CHL1: variants seen among roughly 807,000 people sequenced by gnomAD.
The protein encoded by CHL1 is neural cell adhesion molecule L1-like protein.
Under a neutral mutation model 141.9 loss-of-function variants are expected in CHL1, and 96 were observed. That is an observed-to-expected ratio of 0.68 (90% CI 0.57 to 0.80). The LOEUF is 0.80. Among genes scored for constraint, CHL1 ranks in the 30% least tolerant of loss-of-function variants. The pLI is 0.00. For synonymous variants in CHL1, 613 were observed against 502.2 expected (o/e 1.22, Z -2.95); for missense variants, 1,820 against 1,457.2 (o/e 1.25, Z -4.05).
At chr3:227,083 A>G (rs1028690784) in intron 1 of CHL1, among the ~76,000 whole-genome samples, 5 of 152,208 alleles carry the variant, frequency 3.3e-5, no homozygotes, top group Admixed American at 2.6e-4. Flanking sequence ...GTTGATTTCA[A>G]CAGGTTTAAG....
chr3:198,163 G>C (rs1698552419), intron 1 of CHL1: 2 of 189,830 alleles, frequency 1.1e-5, no homozygotes, highest in Non-Finnish European at 2.2e-5. Context: ...CGGGAAGGCG[G>C]GCGGGGAAGG....
chr3:388,628 G>A (rs548932285), intron 19 of CHL1, among the ~76,000 whole-genome samples: 6 of 152,158 alleles, frequency 3.9e-5, no homozygotes, highest in South Asian at 2.1e-4. Context: ...AGTGGGTAAG[G>A]GTGACATTTT....
chr3:300,602 C>A (rs1489555933), intron 2 of CHL1, among the ~76,000 whole-genome samples: 1 of 152,136 alleles, frequency 6.6e-6, no homozygotes, highest in Non-Finnish European at 1.5e-5. Flanking sequence ...CTGTGCAAGG[C>A]AATACCTTTG....
chr3:233,217 C>T (rs760015254), intron 1 of CHL1, among the ~76,000 whole-genome samples: 2 of 152,124 alleles, frequency 1.3e-5, no homozygotes, highest in Non-Finnish European at 2.9e-5. Context: ...ACATTCTGTG[C>T]GATCCAACTT....
rs1280852326 is a variant in CHL1 at position 358,457 on chromosome 3, G to C, written c.1166-1827G>C. 2.0e-5 allele frequency among the ~76,000 whole-genome samples: 3 copies of C among 152,104 alleles called. No homozygotes were observed. In the East Asian group the frequency reaches 5.8e-4, roughly 29 times the overall value. On this transcript the variant is annotated intron_variant, in intron 11 of 27. Transcript: ENST00000256509. ...TCCTTAATCTTAATCACATCTGCAA[G>C]TCCCTTTTTTCCATGTAAAGTAACA...
chr3:246,852 A>T (rs1693219915), intron 2 of CHL1: 1 of 152,100 alleles, frequency 6.6e-6, no homozygotes, highest in Non-Finnish European at 1.5e-5. Context: ...AAGCGATGTT[A>T]TCCATGCATC....
At chr3:197,626 A>C (rs1448879306) in intron 1 of CHL1, 1 of 327,950 alleles carries the variant, frequency 3.0e-6, no homozygotes, top group Non-Finnish European at 5.8e-6. Flanking sequence ...TCTAGATCCC[A>C]GCCCGGGGGG....
intron 2 of CHL1, chr3:248,003 C>G (rs1188995242): frequency 6.6e-6 from 1 of 151,912 alleles, no homozygotes; most frequent in Non-Finnish European, 1.5e-5. Context: ...ATGTCTTTAC[C>G]TTTTAAATAT....
At chr3:282,699 A>G (rs571438080) in intron 2 of CHL1, 1 of 152,300 alleles carries the variant, frequency 6.6e-6, no homozygotes, top group Admixed American at 6.5e-5. Context: ...AAAAATGTGA[A>G]TGGCTTCACA....
rs764773211 is a variant in CHL1, at chr3:394,685, T to A, written c.2915-8T>A. On this transcript the variant is annotated splice_region_variant and splice_polypyrimidine_tract_variant and intron_variant, in intron 23 of 27. Transcript: ENST00000256509. ...CATTTGAGCTGTTGTTCATGTTTAT[T>A]TTTTTAGTAAATGACACCTACGAGA... The A allele has an allele frequency of 6.3e-7, 1 of 1,594,352 alleles. No individual in the cohort carries two copies. The highest frequency in any genetic ancestry group is 8.6e-7 in the Non-Finnish European group (1 of 1,168,546).
chr3:404,806 TTC>T (rs1473551658), intron 27 of CHL1, among the ~76,000 whole-genome samples: 1 of 152,194 alleles, frequency 6.6e-6, no homozygotes, highest in Admixed American at 6.5e-5. Context: ...ATTGCATTTG[TTC>T]TCTGTCTGAG....
intron 1 of CHL1, among the ~76,000 whole-genome samples, chr3:206,785 A>G (rs146862531): frequency 1.5e-3 from 229 of 152,256 alleles, no homozygotes; most frequent in African/African-American, 5.4e-3. Context: ...TACAAATGAA[A>G]CTTCACTCTC....
intron 2 of CHL1, among the ~76,000 whole-genome samples, chr3:319,127 G>C (rs1004417052): frequency 6.6e-6 from 1 of 151,598 alleles, no homozygotes; most frequent in Non-Finnish European, 1.5e-5. Context: ...CGGACATAAA[G>C]ATAAGAATAA....
chr3:354,887 C>A, intron 11 of CHL1, 116 bp downstream of exon 11: 1 of 1,266,320 alleles, frequency 7.9e-7, no homozygotes, highest in Non-Finnish European at 1.1e-6. Context: ...AGGACAGATA[C>A]AACCAGCAAA....
At chr3:242,322 C>CCGG (rs1692662593) in intron 1 of CHL1, among the ~76,000 whole-genome samples, 2 of 136,626 alleles carry the variant, frequency 1.5e-5, no homozygotes, top group Non-Finnish European at 3.3e-5. Context: ...ACTGGCTGAG[C>CCGG]GCGGTGGCTC....
intron 2 of CHL1, among the ~76,000 whole-genome samples, chr3:304,310 G>A (rs928854982): frequency 6.6e-6 from 1 of 152,198 alleles, no homozygotes; most frequent in East Asian, 1.9e-4. Context: ...AGTTTCAGAA[G>A]GAATGGTACC....
At chr3:348,253 T>C (rs1380684159) in intron 9 of CHL1, among the ~76,000 whole-genome samples, 1 of 152,192 alleles carries the variant, frequency 6.6e-6, no homozygotes, top group Non-Finnish European at 1.5e-5. Context: ...AATTAATTTA[T>C]TGGAGCTTCA....
intron 3 of CHL1, among the ~76,000 whole-genome samples, chr3:323,232 T>C (rs77851964): frequency 0.019 from 2,937 of 152,166 alleles, 38 homozygotes; most frequent in Non-Finnish European, 0.031. Flanking sequence ...TATAAGGTCA[T>C]TGATTAAATG....
At chr3:374,308 C>T (rs1418807880) in intron 15 of CHL1, among the ~76,000 whole-genome samples, 1 of 152,090 alleles carries the variant, frequency 6.6e-6, no homozygotes, top group South Asian at 2.1e-4. Flanking sequence ...CCTCTAAAGG[C>T]TACGCTTTGC....
Sources: gnomAD v4.1 joint callset for allele counts (sites outside exome capture counted in the v4.1 genomes callset) on GRCh38, gnomAD v4.1.1 for gene constraint, MANE v1.5 for transcripts, NCBI Gene and HGNC (gene_info 2026-07-23, HGNC 2026-07-21) for gene names.